Variants in CLCN3 observed in about 807,000 individuals in gnomAD.
CLCN3 encodes the protein Cl-/H+ antiporter 3.
A neutral mutation model predicts 83.4 loss-of-function variants in CLCN3; 16 were observed. The observed-to-expected ratio is 0.19, with a 90% CI of 0.13 to 0.29. The LOEUF is 0.29. Ranked by LOEUF, CLCN3 falls within the 10% of genes least tolerant of loss-of-function variation. The probability of loss-of-function intolerance (pLI) is 1.00; values close to 1 mark genes in which losing one functional copy is unlikely to be tolerated. For missense variants in CLCN3, 544 were observed against 1,006.0 expected (o/e 0.54, Z 6.21); for synonymous variants, 322 against 346.2 (o/e 0.93, Z 0.78).
chr4:169,701,404 A>G (rs1327393576), intron 9 of CLCN3, among the ~76,000 whole-genome samples: 1 of 152,168 alleles, frequency 6.6e-6, no homozygotes, highest in Non-Finnish European at 1.5e-5. Flanking sequence ...GTCATTCATG[A>G]GAGTTGGAAT....
At chr4:169,699,907 ATAATAG>A (rs1258233564) in intron 9 of CLCN3, among the ~76,000 whole-genome samples, 1 of 152,098 alleles carries the variant, frequency 6.6e-6, no homozygotes, top group Non-Finnish European at 1.5e-5. Flanking sequence ...GAAGAAAATA[ATAATAG>A]TAATAGAAAA....
chr4:169,636,895 A>T (rs906420660), intron 2 of CLCN3, among the ~76,000 whole-genome samples: 2 of 152,066 alleles, frequency 1.3e-5, no homozygotes, highest in African/African-American at 4.8e-5. Flanking sequence ...GCATTATCAG[A>T]TACTATCAGA....
At chr4:169,642,336 A>G in intron 2 of CLCN3, among the ~76,000 whole-genome samples, 1 of 152,222 alleles carries the variant, frequency 6.6e-6, no homozygotes, top group East Asian at 1.9e-4. Context: ...AAGTGTTTAT[A>G]AAACAAAAAC....
chr4:169,716,958 GT>G (rs1184732113), intron 12 of CLCN3, among the ~76,000 whole-genome samples: 2 of 151,990 alleles, frequency 1.3e-5, no homozygotes, highest in African/African-American at 4.8e-5. Flanking sequence ...TTTTTTTAAG[GT>G]TTTTTTATTT....
At position 169,704,150 on chromosome 4, in the gene CLCN3, C is replaced by T. The variant is rs757298563; in HGVS notation, c.1716C>T (p.Gly572=). 1 of 1,613,406 alleles carries T rather than the reference C, an allele frequency of 6.2e-7. No homozygotes were observed. Among genetic ancestry groups the T allele is most frequent in the Non-Finnish European group, 8.5e-7 (1 of 1,179,808 alleles). The part of the protein sequence containing the change: ...CEVGADCITP[G]LYAMVGAAAC... ...TCGGGGCTGATTGCATTACACCTGGCCTTTATGCCATGGTTGGTGCTGCTG... is the reference window on the plus strand; with the variant it reads ...TCGGGGCTGATTGCATTACACCTGGTCTTTATGCCATGGTTGGTGCTGCTG... The change falls in exon 10 of 13, where the codon GGC becomes GGT. Residue 572 remains glycine (G), a synonymous_variant. Coordinates refer to ENST00000513761, the MANE Select transcript of CLCN3 (RefSeq NM_001829.4).
chr4:169,643,406 A>G (rs1466652252), intron 2 of CLCN3, among the ~76,000 whole-genome samples: 3 of 150,946 alleles, frequency 2.0e-5, no homozygotes, highest in African/African-American at 7.3e-5. Context: ...AATTTTTTGT[A>G]TTTAGTAGAG....
chr4:169,695,780 T>G, intron 8 of CLCN3, 88 bp downstream of exon 8: 1 of 819,290 alleles, frequency 1.2e-6, no homozygotes, highest in Non-Finnish European at 1.9e-6. Context: ...GGTGATGTAA[T>G]AGGTAGAGAC....
intron 1 of CLCN3, among the ~76,000 whole-genome samples, chr4:169,630,216 C>T (rs1581185228): frequency 1.3e-5 from 2 of 152,308 alleles, no homozygotes; most frequent in East Asian, 3.9e-4. Context: ...GTTTGGGGTA[C>T]AGTTGTACCC....
chr4:169,641,004 A>G (rs1376031543), intron 2 of CLCN3, among the ~76,000 whole-genome samples: 1 of 152,214 alleles, frequency 6.6e-6, no homozygotes, highest in Non-Finnish European at 1.5e-5. Flanking sequence ...GTTTCTGATT[A>G]TGTATAGACT....
intron 2 of CLCN3, among the ~76,000 whole-genome samples, chr4:169,663,922 A>G (rs1416757649): frequency 6.6e-6 from 1 of 152,218 alleles, no homozygotes; most frequent in Non-Finnish European, 1.5e-5. Flanking sequence ...TTTCTAGTGA[A>G]CGATAGAAAT....
intron 9 of CLCN3, 48 bp from the exon 10 acceptor site, chr4:169,703,950 T>G: frequency 6.5e-7 from 1 of 1,546,562 alleles, no homozygotes; most frequent in Non-Finnish European, 8.9e-7. Flanking sequence ...GTTTCAGGCA[T>G]GTGAGTAGAG....
intron 2 of CLCN3, among the ~76,000 whole-genome samples, chr4:169,676,537 G>A (rs1009756865): frequency 1.6e-4 from 23 of 146,978 alleles, no homozygotes; most frequent in Admixed American, 1.6e-3. Context: ...ACAGCATCTT[G>A]CTCTTGGCCC....
chr4:169,644,314 G>A (rs983530131), intron 2 of CLCN3, among the ~76,000 whole-genome samples: 1 of 148,404 alleles, frequency 6.7e-6, no homozygotes, highest in South Asian at 2.1e-4. Flanking sequence ...TGCCCAGGCC[G>A]GAGCACGATC....
At chr4:169,659,679 C>T (rs1439469910) in intron 2 of CLCN3, among the ~76,000 whole-genome samples, 2 of 151,926 alleles carry the variant, frequency 1.3e-5, no homozygotes, top group African/African-American at 2.4e-5. Flanking sequence ...TTCAGTTATT[C>T]GGTTTTTAAA....
intron 12 of CLCN3, among the ~76,000 whole-genome samples, chr4:169,714,430 C>G (rs533553943): frequency 6.6e-6 from 1 of 152,058 alleles, no homozygotes; most frequent in Admixed American, 6.5e-5. Flanking sequence ...TTTGCAGGAC[C>G]TCTGCAAAGT....
At chr4:169,667,787 C>A (rs998837529) in intron 2 of CLCN3, among the ~76,000 whole-genome samples, 8 of 151,180 alleles carry the variant, frequency 5.3e-5, no homozygotes, top group African/African-American at 1.9e-4. Context: ...GCTCTGTCGC[C>A]CAGGTTGGAG....
intron 12 of CLCN3, chr4:169,717,876 A>C: frequency 1.3e-6 from 2 of 1,584,374 alleles, no homozygotes; most frequent in Admixed American, 1.7e-5. Context: ...TGGTGATTAG[A>C]TATATCAGAT....
At chr4:169,685,049 T>C (rs1251584855) in intron 3 of CLCN3, among the ~76,000 whole-genome samples, 5 of 150,728 alleles carry the variant, frequency 3.3e-5, no homozygotes, top group Non-Finnish European at 7.4e-5. Context: ...ATTTCTGGCC[T>C]CTAACAGTCC....
chr4:169,652,788 T>C (rs1730765790), intron 2 of CLCN3, among the ~76,000 whole-genome samples: 1 of 152,206 alleles, frequency 6.6e-6, no homozygotes, highest in Admixed American at 6.5e-5. Flanking sequence ...ACTTTTAATT[T>C]TGTCAGTGTG....
Sources: gnomAD v4.1 joint callset for allele counts (sites outside exome capture counted in the v4.1 genomes callset) on GRCh38, gnomAD v4.1.1 for gene constraint, MANE v1.5 for transcripts, NCBI Gene and HGNC (gene_info 2026-07-23, HGNC 2026-07-21) for gene names.